Variants in AGAP1 observed in about 807,000 individuals in gnomAD.
AGAP1 encodes the protein ArfGAP with GTPase domain, ankyrin repeat and PH domain 1.
In AGAP1, 29 loss-of-function variants were observed where a neutral mutation model predicts 105.3. The observed-to-expected ratio is 0.28, with a 90% CI of 0.21 to 0.38. The LOEUF (loss-of-function observed/expected upper bound fraction) is 0.38, where lower values mean the gene tolerates loss of function less well. Ranked by LOEUF, AGAP1 falls within the 10% of genes least tolerant of loss-of-function variation. The pLI, the probability that AGAP1 is intolerant of heterozygous loss-of-function variation, is 1.00. For synonymous variants in AGAP1, 509 were observed against 485.9 expected (o/e 1.05, Z -0.63); for missense variants, 998 against 1,165.1 (o/e 0.86, Z 2.09).
At chr2:236,052,740 A>T (rs1207118216) in intron 16 of AGAP1, among the ~76,000 whole-genome samples, 1 of 152,078 alleles carries the variant, frequency 6.6e-6, no homozygotes, top group African/African-American at 2.4e-5. Context: ...TATTAAATTT[A>T]TTGTCGCAGG....
In AGAP1 at chr2:235,737,543, G is replaced by T. The variant is rs781717974; in HGVS notation, c.311-3420G>T. Reference sequence around the variant, plus strand: ...TCAGTGCCCTCCTAGGGAACCTTTCGTAACTTGAATATTGTGATTCAGCCA... The same window carrying T: ...TCAGTGCCCTCCTAGGGAACCTTTCTTAACTTGAATATTGTGATTCAGCCA... On this transcript the variant is annotated intron_variant, in intron 3 of 17. Coordinates refer to ENST00000304032, the MANE Select transcript of AGAP1 (RefSeq NM_001037131.3). The surrounding 1 kb of genome is among the most constrained non-coding windows in gnomAD (Gnocchi z 4.5). 6.6e-6 allele frequency among the ~76,000 whole-genome samples: 1 copy of T among 152,266 alleles called. No individual in the cohort carries two copies. The highest frequency in any genetic ancestry group is 1.5e-5 in the Non-Finnish European group (1 of 68,020).
intron 12 of AGAP1, among the ~76,000 whole-genome samples, chr2:235,942,820 G>T (rs2053323710): frequency 6.6e-6 from 1 of 152,056 alleles, no homozygotes; most frequent in Non-Finnish European, 1.5e-5. Flanking sequence ...AAGATAGAAA[G>T]CATCTTGACT....
chr2:235,644,720 T>G (rs1215091088), intron 1 of AGAP1, among the ~76,000 whole-genome samples: 2 of 152,078 alleles, frequency 1.3e-5, no homozygotes, highest in African/African-American at 2.4e-5. Context: ...GGTGCCAGAG[T>G]TCTGACCAGT....
At chr2:235,536,493 A>G (rs1371773359) in intron 1 of AGAP1, among the ~76,000 whole-genome samples, 9 of 135,832 alleles carry the variant, frequency 6.6e-5, no homozygotes, top group African/African-American at 2.0e-4. Context: ...ACACACACAC[A>G]CAGAGCAGGA....
chr2:235,686,665 A>ATATTTTTT lies in AGAP1; in HGVS notation c.164-22513_164-22512insATTTTTTT, dbSNP rs1369766503. ...TATATAGATATATATATATATATAT[A>ATATTTTTT]TTTTTTTTTTTTTTTAGACAGAGTC... On this transcript the variant is annotated intron_variant, in intron 1 of 17. Coordinates refer to ENST00000304032, the MANE Select transcript of AGAP1 (RefSeq NM_001037131.3). Among the ~76,000 whole-genome samples, 12 of 77,498 alleles carry ATATTTTTT rather than the reference A, an allele frequency of 1.5e-4. 1 individual carries two copies. Among genetic ancestry groups the ATATTTTTT allele is most frequent in the South Asian group, 8.6e-4 (2 of 2,322 alleles). 50.8% of individuals were successfully genotyped at this position (77,498 alleles called of 152,430 possible).
chr2:235,658,728 T>A (rs1947852455), intron 1 of AGAP1, among the ~76,000 whole-genome samples: 1 of 152,206 alleles, frequency 6.6e-6, no homozygotes, highest in Non-Finnish European at 1.5e-5. Flanking sequence ...GGGACTTCCC[T>A]GGTGAGGGTG....
In AGAP1 at chr2:235,517,549, T is replaced by C. The variant is rs1942439980; in HGVS notation, c.163+22700T>C. 6.6e-6 allele frequency among the ~76,000 whole-genome samples: 1 copy of C among 152,188 alleles called. No individual in the cohort carries two copies. Among genetic ancestry groups the C allele is most frequent in the Non-Finnish European group, 1.5e-5 (1 of 68,034 alleles). Reference sequence around the variant, plus strand: ...GCAGCCATGAGGCAGGAGATCCTCTTTACTTTGTAAAAAAATGTAAAAGAA... The same window carrying C: ...GCAGCCATGAGGCAGGAGATCCTCTCTACTTTGTAAAAAAATGTAAAAGAA... On this transcript the variant is annotated intron_variant, in intron 1 of 17. Transcript: ENST00000304032. The surrounding 1 kb of genome is among the most constrained non-coding windows in gnomAD (Gnocchi z 4.1).
Position 236,061,517 on chromosome 2 carries a change from C to T in AGAP1, c.2114+12236C>T, listed in dbSNP as rs1307107162. On this transcript the variant is annotated intron_variant, in intron 16 of 17. Coordinates refer to ENST00000304032, the MANE Select transcript of AGAP1 (RefSeq NM_001037131.3). The surrounding 1 kb of genome is among the most constrained non-coding windows in gnomAD (Gnocchi z 4.1). Reference sequence around the variant, plus strand: ...GTCCGTACACCAGAACGTGATTCTGCCATGGGAAGGAGTGAAGTGTGGATA... The same window carrying T: ...GTCCGTACACCAGAACGTGATTCTGTCATGGGAAGGAGTGAAGTGTGGATA... Among the ~76,000 whole-genome samples the T allele has an allele frequency of 1.3e-5, 2 of 152,138 alleles. No individual in the cohort carries two copies. Among genetic ancestry groups the T allele is most frequent in the African/African-American group, 2.4e-5 (1 of 41,432 alleles).
In AGAP1 at chr2:235,841,508, G is replaced by T. The variant is rs577686691; in HGVS notation, c.1050+34177G>T. On this transcript the variant is annotated intron_variant, in intron 9 of 17. Coordinates refer to ENST00000304032, the MANE Select transcript of AGAP1 (RefSeq NM_001037131.3). ...GCCAGGCATGGTGGTGTGCACCTGT[G>T]GTCCCAGCTACTCTGGAGGCTGAGG... Among the ~76,000 whole-genome samples the T allele has an allele frequency of 2.6e-5, 4 of 152,166 alleles. No homozygotes were observed. The East Asian group carries it at 7.7e-4, about 29-fold the overall frequency.
At chr2:236,059,206 G>A (rs2084934) in intron 16 of AGAP1, among the ~76,000 whole-genome samples, 55,741 of 151,612 alleles carry the variant, frequency 0.37, 13,422 homozygotes, top group African/African-American at 0.67. Context: ...TACACTAGCA[G>A]TGGACAATCA....
Position 236,127,192 on chromosome 2 carries a change from AC to A in AGAP1, c.*3072del, listed in dbSNP as rs1283733679. ...CGGGGAGTGGAGGGGTGTGGTGCAGACCTGGCTGCAGCAGAAACACCCCGCA... is the reference window on the plus strand; with the variant it reads ...CGGGGAGTGGAGGGGTGTGGTGCAGACTGGCTGCAGCAGAAACACCCCGCA... On this transcript the variant is annotated 3_prime_UTR_variant, in exon 18 of 18. Transcript: ENST00000304032. This position sits in a 1 kb window ranked among gnomAD's most constrained non-coding sequence, Gnocchi z 6.6. 4 of 152,132 alleles carry A rather than the reference AC, an allele frequency of 2.6e-5. No homozygotes were observed. The highest frequency in any genetic ancestry group is 9.7e-5 in the African/African-American group (4 of 41,408). 9.4% of individuals were successfully genotyped at this position (152,132 alleles called of 1,614,324 possible).
intron 12 of AGAP1, among the ~76,000 whole-genome samples, chr2:235,954,518 G>A (rs1473078781): frequency 1.3e-5 from 2 of 149,632 alleles, no homozygotes; most frequent in Admixed American, 6.7e-5. Context: ...ATCTTTTGGC[G>A]GAAGTGACTT....
chr2:235,693,435 G>A (rs1180149190), intron 1 of AGAP1, among the ~76,000 whole-genome samples: 1 of 152,158 alleles, frequency 6.6e-6, no homozygotes, highest in Non-Finnish European at 1.5e-5. Context: ...TCTCTGGCAT[G>A]GGGACTCAGC....
In AGAP1 at chr2:235,977,452, A is replaced by T. The variant is rs546066011; in HGVS notation, c.1645+8829A>T. Among the ~76,000 whole-genome samples, 36 of 152,138 alleles carry T rather than the reference A, an allele frequency of 2.4e-4. 1 individual carries two copies. The East Asian group carries it at 7.0e-3, about 29-fold the overall frequency. ...TACTCTTTCTACTTTCCTCAGCTGC[A>T]TGTATTTTACACACAAAGTACAGGG... On this transcript the variant is annotated intron_variant, in intron 13 of 17. Transcript: ENST00000304032. This position sits in a 1 kb window ranked among gnomAD's most constrained non-coding sequence, Gnocchi z 5.2.
intron 1 of AGAP1, among the ~76,000 whole-genome samples, chr2:235,500,950 C>A (rs1300532984): frequency 6.6e-6 from 1 of 152,152 alleles, no homozygotes; most frequent in East Asian, 1.9e-4. Context: ...TCGCTTAACA[C>A]CCTCCCCCAA....
intron 1 of AGAP1, among the ~76,000 whole-genome samples, chr2:235,508,376 A>G (rs75584263): frequency 0.017 from 2,530 of 152,346 alleles, 71 homozygotes; most frequent in Admixed American, 0.073. Context: ...TCAGCCCATA[A>G]GTCTGCAGAA....
In AGAP1 at chr2:235,750,364, T is replaced by C; in HGVS notation, c.549T>C (p.Ser183=). ...LVLVGTQDAI[S]SANPRVIDDA... ...GGTCTTCTGTTCCAGATGCCATAAG[T>C]TCTGCTAACCCGAGGGTCATCGATG... The change falls in exon 6 of 18, where the codon AGT becomes AGC. Residue 183 remains serine (S), a synonymous_variant. Transcript: ENST00000304032. This position sits in a 1 kb window ranked among gnomAD's most constrained non-coding sequence, Gnocchi z 5.3. The C allele has an allele frequency of 6.2e-7, 1 of 1,614,184 alleles. No individual in the cohort carries two copies. Among genetic ancestry groups the C allele is most frequent in the Non-Finnish European group, 8.5e-7 (1 of 1,180,030 alleles).
chr2:236,039,470 A>G (rs954101728), intron 14 of AGAP1, among the ~76,000 whole-genome samples: 4 of 152,216 alleles, frequency 2.6e-5, no homozygotes, highest in African/African-American at 9.6e-5. Flanking sequence ...TATCCAGTAC[A>G]TATCCTTTCA....
intron 10 of AGAP1, among the ~76,000 whole-genome samples, chr2:235,896,829 A>G (rs1031433669): frequency 3.9e-5 from 6 of 152,262 alleles, no homozygotes; most frequent in African/African-American, 9.6e-5. Context: ...GGAGCCTACT[A>G]AAAACTCACT....
Sources: gnomAD v4.1 joint callset for allele counts (sites outside exome capture counted in the v4.1 genomes callset) on GRCh38, gnomAD v4.1.1 for gene constraint, Gnocchi (gnomAD v3.1) non-coding constraint, MANE v1.5 for transcripts, NCBI Gene and HGNC (gene_info 2026-07-23, HGNC 2026-07-21) for gene names.